The following WDR64 variants were observed in gnomAD, a reference collection of about 807,000 sequenced individuals.
WDR64 encodes WD repeat-containing protein 64.
A neutral mutation model predicts 139.3 loss-of-function variants in WDR64; 112 were observed. The ratio of observed to expected loss-of-function variants is 0.80; its 90% CI spans 0.69 to 0.94. WDR64 has a LOEUF of 0.94. Among genes scored for constraint, WDR64 ranks in the 40% least tolerant of loss-of-function variants. WDR64 has a pLI of 0.00. For synonymous variants in WDR64, 444 were observed against 437.7 expected (o/e 1.01, Z -0.18); for missense variants, 1,206 against 1,293.1 (o/e 0.93, Z 1.03).
At chr1:241,661,488 T>A (rs572418032) in intron 2 of WDR64, among the ~76,000 whole-genome samples, 2 of 152,294 alleles carry the variant, frequency 1.3e-5, no homozygotes, top group East Asian at 3.9e-4. Flanking sequence ...CTTTGAGGAA[T>A]ATTTAATTCC....
At chr1:241,726,360 A>C (rs994213004) in intron 10 of WDR64, among the ~76,000 whole-genome samples, 1 of 152,162 alleles carries the variant, frequency 6.6e-6, no homozygotes, top group Non-Finnish European at 1.5e-5. Context: ...GCTTGAGCCC[A>C]GGAGTTCAAG....
chr1:241,722,498 A>G (rs750824638), intron 9 of WDR64, among the ~76,000 whole-genome samples: 1 of 152,214 alleles, frequency 6.6e-6, no homozygotes, highest in Non-Finnish European at 1.5e-5. Flanking sequence ...AGTATTGCTG[A>G]ATAAAGTAAA....
rs139330211 is a variant in WDR64 at position 241,764,528 on chromosome 1, G to A, written c.1948-1690G>A. ...TTTAAAAAAATTATTTGGGTGCAGC[G>A]GCGTGCACCTTCAGTCAAGCTATTT... On this transcript the variant is annotated intron_variant, in intron 15 of 27. Coordinates refer to ENST00000437684, the MANE Select transcript of WDR64 (RefSeq NM_001367482.1). Among the ~76,000 whole-genome samples, 588 of 152,086 alleles carry A rather than the reference G, an allele frequency of 3.9e-3. 6 individuals carry two copies. The highest frequency in any genetic ancestry group is 8.3e-3 in the East Asian group (43 of 5,158).
In WDR64 at chr1:241,796,349, A is replaced by C; in HGVS notation, c.3171A>C (p.Gly1057=). 6.2e-7 allele frequency: 1 copy of C among 1,613,308 alleles called. No homozygotes were observed. The highest frequency in any genetic ancestry group is 8.5e-7 in the Non-Finnish European group (1 of 1,179,480). Residue 1057 remains glycine, a synonymous_variant, in exon 27 of 28, where the codon GGA becomes GGC. Coordinates refer to ENST00000437684, the MANE Select transcript of WDR64 (RefSeq NM_001367482.1). ...SSDGITGKKK[G]GHVQREKAPR... ...ATGGCATTACAGGAAAGAAGAAGGG[A>C]GGTCATGTTCAACGTGAAAAAGTAA...
At chr1:241,770,415 C>A in intron 17 of WDR64, 1 of 444,956 alleles carries the variant, frequency 2.2e-6, no homozygotes, top group Non-Finnish European at 4.0e-6. Context: ...ACCTTATTTG[C>A]TGAGGCTCCC....
rs1045926787 is a variant in WDR64 at position 241,757,175 on chromosome 1, A to G, written c.1771-108A>G. 27 of 1,003,080 alleles carry G rather than the reference A, an allele frequency of 2.7e-5. No individual in the cohort carries two copies. In the African/African-American group the frequency reaches 3.8e-4, roughly 14 times the overall value. 62.1% of individuals were successfully genotyped at this position (1,003,080 alleles called of 1,614,324 possible). A position where few individuals can be genotyped will look rare whatever the true frequency, so the allele number is the denominator to read the frequency against. ...ATAGATGGGGCTGAAGATTTGGTAA[A>G]GCTAGATGGTAGATACATCATTGTA... On this transcript the variant is annotated intron_variant, in intron 14 of 27. Transcript: ENST00000437684.
At chr1:241,675,660 T>C (rs1666522641) in intron 4 of WDR64, among the ~76,000 whole-genome samples, 2 of 152,240 alleles carry the variant, frequency 1.3e-5, no homozygotes, top group African/African-American at 4.8e-5. Flanking sequence ...GCCCTACTGT[T>C]TTACTAATTA....
chr1:241,727,821 C>T (rs377256739), intron 10 of WDR64, among the ~76,000 whole-genome samples: 1 of 151,020 alleles, frequency 6.6e-6, no homozygotes, highest in African/African-American at 2.4e-5. Flanking sequence ...AGGAGGATTG[C>T]TTGAGGCCAG....
At chr1:241,793,069 C>G (rs185928778) in intron 25 of WDR64, among the ~76,000 whole-genome samples, 1 of 152,250 alleles carries the variant, frequency 6.6e-6, no homozygotes, top group South Asian at 2.1e-4. Context: ...ATGAGAGAAA[C>G]GCTCATCTAC....
intron 1 of WDR64, among the ~76,000 whole-genome samples, chr1:241,655,275 C>G (rs188517973): frequency 6.6e-6 from 1 of 152,018 alleles, no homozygotes; most frequent in Non-Finnish European, 1.5e-5. Context: ...CCCAGCTACT[C>G]GGGAGGCTAA....
chr1:241,791,220 G>C (rs1659206488), intron 25 of WDR64, among the ~76,000 whole-genome samples: 1 of 151,898 alleles, frequency 6.6e-6, no homozygotes, highest in African/African-American at 2.4e-5. Context: ...CAGGAGGCAG[G>C]GGTTGCAGTG....
chr1:241,713,615 G>A (rs1463629280), intron 9 of WDR64, among the ~76,000 whole-genome samples: 2 of 152,156 alleles, frequency 1.3e-5, no homozygotes, highest in African/African-American at 4.8e-5. Context: ...TTTATGCTTG[G>A]TGCATAATAG....
chr1:241,720,978 G>A (rs1668586731), intron 9 of WDR64, among the ~76,000 whole-genome samples: 1 of 152,074 alleles, frequency 6.6e-6, no homozygotes, highest in Non-Finnish European at 1.5e-5. Flanking sequence ...TGTATAAGGT[G>A]TAAGAAAAGA....
chr1:241,739,676 T>C (rs1378690854), intron 11 of WDR64, among the ~76,000 whole-genome samples: 3 of 152,142 alleles, frequency 2.0e-5, no homozygotes, highest in African/African-American at 7.2e-5. Flanking sequence ...AGGACTCAAA[T>C]AGTAAGGCAA....
chr1:241,784,953 G>GAAA (rs58720618), intron 23 of WDR64, among the ~76,000 whole-genome samples: 18 of 62,228 alleles, frequency 2.9e-4, no homozygotes, highest in East Asian at 6.1e-4. Flanking sequence ...GACTCTGTCT[G>GAAA]AAAAAAAAAA....
chr1:241,713,535 A>AGGG (rs1668277867), intron 9 of WDR64, among the ~76,000 whole-genome samples: 2 of 141,034 alleles, frequency 1.4e-5, no homozygotes, highest in African/African-American at 5.3e-5. Flanking sequence ...AAAAGCAAGG[A>AGGG]AGGGAGGGAG....
chr1:241,709,566 G>A (rs1668083728), intron 8 of WDR64, among the ~76,000 whole-genome samples: 1 of 152,026 alleles, frequency 6.6e-6, no homozygotes, highest in Non-Finnish European at 1.5e-5. Context: ...GTGAGCTATG[G>A]TCATGCCATT....
rs1574106624 is a variant in WDR64 at position 241,802,144 on chromosome 1, G to A, written c.*929G>A. On this transcript the variant is annotated 3_prime_UTR_variant, in exon 28 of 28. Coordinates refer to ENST00000437684, the MANE Select transcript of WDR64 (RefSeq NM_001367482.1). ...TAATAATAACTCAAAAAAGGAAAAA[G>A]CCTAGTTTCCACAACAGAAGAATGA... 7.5e-6 allele frequency: 3 copies of A among 397,892 alleles called. No homozygotes were observed. The East Asian group carries it at 1.1e-4, about 14-fold the overall frequency. The allele number at this position is 397,892 out of a possible 1,614,324, so 24.6% of individuals were successfully genotyped here. A position where few individuals can be genotyped will look rare whatever the true frequency, so the allele number is the denominator to read the frequency against.
intron 11 of WDR64, among the ~76,000 whole-genome samples, chr1:241,740,959 G>A (rs1411383784): frequency 1.3e-5 from 2 of 152,204 alleles, no homozygotes; most frequent in Admixed American, 1.3e-4. Flanking sequence ...CTACTTTACA[G>A]TGGTGATTTA....
Sources: allele counts gnomAD v4.1 joint callset (sites outside exome capture counted in the v4.1 genomes callset), GRCh38; gene constraint gnomAD v4.1.1; transcripts MANE v1.5; gene names NCBI Gene and HGNC (gene_info 2026-07-23, HGNC 2026-07-21).